Variants in PLCB4 observed in about 807,000 individuals in gnomAD.
PLCB4 encodes the protein 1-phosphatidylinositol 4,5-bisphosphate phosphodiesterase beta-4.
Under a neutral mutation model 178.8 loss-of-function variants are expected in PLCB4, and 77 were observed. The ratio of observed to expected loss-of-function variants is 0.43; its 90% CI spans 0.36 to 0.52. The LOEUF (loss-of-function observed/expected upper bound fraction) is 0.52, where lower values mean the gene tolerates loss of function less well. Ranked by LOEUF, PLCB4 falls within the 20% of genes least tolerant of loss-of-function variation. PLCB4 has a pLI of 0.00. For synonymous variants in PLCB4, 496 were observed against 490.8 expected, an observed-to-expected ratio of 1.01 and a Z score of -0.14; for missense variants, 1,024 against 1,453.4, an observed-to-expected ratio of 0.70 and a Z score of 4.80.
chr20:9,264,523 T>C (rs1314156360), intron 3 of PLCB4, among the ~76,000 whole-genome samples: 1 of 152,178 alleles, frequency 6.6e-6, no homozygotes, highest in African/African-American at 2.4e-5. Flanking sequence ...CTTTCATCAG[T>C]GTTTATGTTG....
At chr20:9,390,458 A>G (rs2038047415) in intron 16 of PLCB4, 73 bp from the exon 17 acceptor site, 1 of 697,402 alleles carries the variant, frequency 1.4e-6, no homozygotes, top group Non-Finnish European at 2.6e-6. Flanking sequence ...TTAATTGCCT[A>G]GTAATGGGTG....
chr20:9,132,774 A>G (rs2092301923), intron 2 of PLCB4, among the ~76,000 whole-genome samples: 1 of 152,174 alleles, frequency 6.6e-6, no homozygotes, highest in South Asian at 2.1e-4. Context: ...ATTTCTGCCT[A>G]TACAATAGCT....
At position 9,421,496 on chromosome 20, in the gene PLCB4, TAA is replaced by T. The variant is rs780086156; in HGVS notation, c.2319+36_2319+37del. 4 of 1,573,714 alleles carry T rather than the reference TAA, an allele frequency of 2.5e-6. No individual in the cohort carries two copies. In the African/African-American group the frequency reaches 4.0e-5, roughly 16 times the overall value. ...TTTCAGCACGTCAAACTTACTCTAA[TAA>T]CTTGGGAGCCATGTTTTAGTTCACA... On this transcript the variant is annotated intron_variant, in intron 27 of 39. Coordinates refer to ENST00000378473, the MANE Select transcript of PLCB4 (RefSeq NM_001377142.1).
intron 35 of PLCB4, among the ~76,000 whole-genome samples, chr20:9,461,921 G>A (rs539496802): frequency 1.1e-4 from 16 of 152,308 alleles, no homozygotes; most frequent in Non-Finnish European, 2.1e-4. Context: ...CCAGCATGGC[G>A]TTTGAGCTCT....
intron 35 of PLCB4, among the ~76,000 whole-genome samples, chr20:9,466,475 C>T (rs1056131514): frequency 6.6e-6 from 1 of 152,156 alleles, no homozygotes; most frequent in Non-Finnish European, 1.5e-5. Flanking sequence ...GCAAAAGAAA[C>T]TACCATTAGA....
intron 14 of PLCB4, among the ~76,000 whole-genome samples, chr20:9,386,663 T>C (rs890469197): frequency 2.0e-4 from 30 of 151,978 alleles, no homozygotes; most frequent in Non-Finnish European, 3.1e-4. Flanking sequence ...TTTATTTTAT[T>C]TTATTATTAT....
At chr20:9,273,675 AGTGTGTGTGTGT>A (rs398035325) in intron 3 of PLCB4, among the ~76,000 whole-genome samples, 26 of 135,850 alleles carry the variant, frequency 1.9e-4, no homozygotes, top group African/African-American at 3.9e-4. Context: ...TTATGGTTGC[AGTGTGTGTGTGT>A]GTGTGTGTGT....
chr20:9,346,623 TG>T (rs1386760287), intron 7 of PLCB4, among the ~76,000 whole-genome samples: 1 of 152,182 alleles, frequency 6.6e-6, no homozygotes, highest in Non-Finnish European at 1.5e-5. Context: ...GACATTTTCT[TG>T]TTAATTGTTT....
chr20:9,420,025 C>T (rs1044215991), intron 26 of PLCB4, 116 bp downstream of exon 26: 2 of 563,186 alleles, frequency 3.6e-6, no homozygotes, highest in African/African-American at 1.9e-5. Context: ...ACAACTTTGA[C>T]TTAAGATTCC....
intron 4 of PLCB4, among the ~76,000 whole-genome samples, chr20:9,325,852 G>A (rs190893564): frequency 3.6e-4 from 55 of 152,244 alleles, no homozygotes; most frequent in Admixed American, 3.2e-3. Context: ...AGTTCTTTCA[G>A]GCTGCTATAA....
Position 9,169,570 on chromosome 20 carries a change from C to T in PLCB4, c.-78-47820C>T, listed in dbSNP as rs536323809. On this transcript the variant is annotated intron_variant, in intron 2 of 39. Coordinates refer to ENST00000378473, the MANE Select transcript of PLCB4 (RefSeq NM_001377142.1). ...TGCCACTGCGCTCCAGCCTGGGTGA[C>T]GGAGCAAGACTGTCTAATAAATAAA... Among the ~76,000 whole-genome samples, 245 of 150,458 alleles carry T rather than the reference C, an allele frequency of 1.6e-3. 3 individuals are homozygous for T. Among genetic ancestry groups the T allele is most frequent in the Admixed American group, 0.015 (233 of 15,072 alleles).
intron 35 of PLCB4, among the ~76,000 whole-genome samples, chr20:9,461,700 G>A (rs944454963): frequency 1.4e-4 from 22 of 152,322 alleles, no homozygotes; most frequent in African/African-American, 4.6e-4. Flanking sequence ...ACCTGGCTGG[G>A]GTAGGAGCGT....
chr20:9,365,425 A>G (rs2035691390), intron 8 of PLCB4, 36 bp from the exon 9 acceptor site: 2 of 1,420,112 alleles, frequency 1.4e-6, no homozygotes, highest in East Asian at 4.6e-5. Flanking sequence ...TCCCTCTAAG[A>G]AACATTAAGG....
intron 2 of PLCB4, among the ~76,000 whole-genome samples, chr20:9,178,344 T>C (rs1023738676): frequency 2.0e-5 from 3 of 151,986 alleles, no homozygotes; most frequent in African/African-American, 7.2e-5. Flanking sequence ...AATAAATAAA[T>C]AAAAATAATT....
At chr20:9,138,981 C>T (rs2092436414) in intron 2 of PLCB4, among the ~76,000 whole-genome samples, 1 of 152,036 alleles carries the variant, frequency 6.6e-6, no homozygotes, top group Admixed American at 6.6e-5. Context: ...TAAATGGAAA[C>T]CCCTTAAAAT....
chr20:9,282,124 G>A (rs890020919), intron 3 of PLCB4, among the ~76,000 whole-genome samples: 4 of 151,954 alleles, frequency 2.6e-5, no homozygotes, highest in Admixed American at 6.6e-5. Flanking sequence ...CATCAAAAGA[G>A]ATATAGAACA....
At chr20:9,144,040 A>G (rs1263580034) in intron 2 of PLCB4, among the ~76,000 whole-genome samples, 1 of 152,198 alleles carries the variant, frequency 6.6e-6, no homozygotes, top group Non-Finnish European at 1.5e-5. Context: ...CATTTCCTTG[A>G]GAAGTCTTTC....
At chr20:9,205,838 C>T (rs775269922) in intron 2 of PLCB4, among the ~76,000 whole-genome samples, 42 of 152,248 alleles carry the variant, frequency 2.8e-4, no homozygotes, top group South Asian at 6.2e-4. Flanking sequence ...TTTGTCATTT[C>T]AAGAGTGTTA....
At chr20:9,448,356 C>T (rs1357810914) in intron 32 of PLCB4, among the ~76,000 whole-genome samples, 2 of 152,140 alleles carry the variant, frequency 1.3e-5, no homozygotes, top group South Asian at 2.1e-4. Flanking sequence ...CATAAAATGA[C>T]CTGCTGATGA....
Sources: gnomAD v4.1 joint callset for allele counts (sites outside exome capture counted in the v4.1 genomes callset) on GRCh38, gnomAD v4.1.1 for gene constraint, MANE v1.5 for transcripts, NCBI Gene and HGNC (gene_info 2026-07-23, HGNC 2026-07-21) for gene names.